The following NBEA variants were observed in gnomAD, a reference collection of about 807,000 sequenced individuals.
NBEA encodes the protein neurobeachin.
In NBEA, 44 loss-of-function variants were observed where a neutral mutation model predicts 343.4. That is an observed-to-expected ratio of 0.13 (90% CI 0.10 to 0.16). NBEA has a LOEUF of 0.16. NBEA is among the 10% of genes least tolerant of loss of function. NBEA has a pLI of 1.00. For synonymous variants in NBEA, 1,175 were observed against 1,238.7 expected (o/e 0.95, Z 1.08); for missense variants, 2,555 against 3,631.3 (o/e 0.70, Z 7.62).
At chr13:35,200,493 C>T (rs2072947269) in intron 31 of NBEA, among the ~76,000 whole-genome samples, 1 of 149,460 alleles carries the variant, frequency 6.7e-6, no homozygotes, top group African/African-American at 2.4e-5. Context: ...ATGTGCTTCT[C>T]ATACATTTTT....
chr13:35,106,969 A>G (rs1406418577), intron 11 of NBEA, among the ~76,000 whole-genome samples: 47 of 151,826 alleles, frequency 3.1e-4, no homozygotes, highest in Non-Finnish European at 7.4e-5. Context: ...CAGTCTGGTC[A>G]CCTAGCATGT....
chr13:35,003,561 G>A (rs918836423), intron 1 of NBEA, among the ~76,000 whole-genome samples: 10 of 151,984 alleles, frequency 6.6e-5, no homozygotes, highest in Non-Finnish European at 1.5e-4. Flanking sequence ...ATTTTAGGAA[G>A]GATAAAGAGA....
At chr13:35,084,990 G>A (rs1283633077) in intron 10 of NBEA, among the ~76,000 whole-genome samples, 3 of 152,106 alleles carry the variant, frequency 2.0e-5, no homozygotes, top group Non-Finnish European at 4.4e-5. Flanking sequence ...TAGAAGAAAT[G>A]GATGAATTCC....
chr13:35,349,436 C>G (rs2040058044), intron 37 of NBEA, among the ~76,000 whole-genome samples: 2 of 151,916 alleles, frequency 1.3e-5, no homozygotes, highest in Non-Finnish European at 2.9e-5. Context: ...ATATGCCTAA[C>G]CATTTGGTAG....
intron 41 of NBEA, among the ~76,000 whole-genome samples, chr13:35,485,193 G>A (rs2152969454): frequency 6.6e-6 from 1 of 152,150 alleles, no homozygotes; most frequent in African/African-American, 2.4e-5. Flanking sequence ...TATGAAAAAA[G>A]ATGGGTGCTA....
intron 18 of NBEA, among the ~76,000 whole-genome samples, chr13:35,145,433 C>T (rs1395041829): frequency 6.6e-6 from 1 of 152,112 alleles, no homozygotes; most frequent in African/African-American, 2.4e-5. Context: ...ACCCTTTCTC[C>T]CAGGAAGTTT....
chr13:35,364,521 C>G (rs1468874701), intron 38 of NBEA, among the ~76,000 whole-genome samples: 1 of 151,756 alleles, frequency 6.6e-6, no homozygotes, highest in Non-Finnish European at 1.5e-5. Context: ...AAACAAGCAT[C>G]AGTGTTTTAA....
Position 35,349,186 on chromosome 13 carries a change from C to G in NBEA, c.5982C>G (p.Ala1994=). Residue 1994 remains alanine (A), a synonymous_variant, in exon 37 of 59, where the codon GCC becomes GCG. Transcript: ENST00000379939. ...AGTTTATTTTGAACAGACAAAGAGC[C>G]GAGGATGTACATAAACATGCAGAGT... is the stretch of plus-strand genomic sequence containing the variant. ...EAEFILNRQR[A]EDVHKHAEFE... The G allele has an allele frequency of 4.4e-6, 7 of 1,603,054 alleles. No homozygotes were observed. Among genetic ancestry groups the G allele is most frequent in the South Asian group, 1.1e-5 (1 of 89,310 alleles).
intron 27 of NBEA, among the ~76,000 whole-genome samples, chr13:35,176,609 G>C (rs1014993247): frequency 6.6e-6 from 1 of 151,930 alleles, no homozygotes; most frequent in Non-Finnish European, 1.5e-5. Context: ...TCATATACTA[G>C]TGTAGTATAA....
intron 33 of NBEA, among the ~76,000 whole-genome samples, chr13:35,221,864 T>G (rs2074388199): frequency 6.6e-6 from 1 of 152,164 alleles, no homozygotes; most frequent in African/African-American, 2.4e-5. Context: ...ATCATTCAGT[T>G]GCTTCTACCA....
intron 38 of NBEA, among the ~76,000 whole-genome samples, chr13:35,417,947 A>G (rs1343517867): frequency 6.6e-6 from 1 of 152,152 alleles, no homozygotes; most frequent in Non-Finnish European, 1.5e-5. Context: ...ATATATATTT[A>G]GGATAGTTAG....
Position 35,064,260 on chromosome 13 carries a change from T to C in NBEA, c.1239+5397T>C, listed in dbSNP as rs1204416400. On this transcript the variant is annotated intron_variant, in intron 8 of 58. Coordinates refer to ENST00000379939, the MANE Select transcript of NBEA (RefSeq NM_001385012.1). ...AATGAGTCCTTGGGAAAGCCAGTGT[T>C]TGTAAGTTGAGGAGATGCAGAGGAA... 3.3e-5 allele frequency among the ~76,000 whole-genome samples: 5 copies of C among 151,854 alleles called. No homozygotes were observed. In the East Asian group the frequency reaches 7.8e-4, roughly 24 times the overall value.
chr13:35,105,798 C>T (rs1485648912), intron 11 of NBEA, among the ~76,000 whole-genome samples: 2 of 151,930 alleles, frequency 1.3e-5, no homozygotes, highest in Non-Finnish European at 2.9e-5. Flanking sequence ...GGATAATAGA[C>T]TATAAGGTAC....
chr13:35,464,014 C>A (rs748959971), intron 40 of NBEA, among the ~76,000 whole-genome samples: 3 of 151,964 alleles, frequency 2.0e-5, no homozygotes, highest in African/African-American at 7.3e-5. Context: ...GTAGAAAAAT[C>A]TGTAGATAGA....
intron 40 of NBEA, among the ~76,000 whole-genome samples, chr13:35,461,729 A>C (rs1283267394): frequency 1.3e-5 from 2 of 152,248 alleles, no homozygotes; most frequent in Non-Finnish European, 2.9e-5. Context: ...CCGCTTACTC[A>C]AACATAAAGT....
chr13:35,211,894 A>G (rs2073800168), intron 33 of NBEA, among the ~76,000 whole-genome samples: 1 of 152,148 alleles, frequency 6.6e-6, no homozygotes, highest in South Asian at 2.1e-4. Context: ...GTTATATATA[A>G]CATCATTGGA....
chr13:35,302,835 C>T (rs1017135711), intron 35 of NBEA, among the ~76,000 whole-genome samples: 5 of 152,064 alleles, frequency 3.3e-5, no homozygotes, highest in Admixed American at 3.3e-4. Context: ...ATTAATAAAA[C>T]CTGTCTCTTC....
chr13:35,054,515 A>G (rs1158970710), intron 6 of NBEA, among the ~76,000 whole-genome samples: 2 of 152,158 alleles, frequency 1.3e-5, no homozygotes, highest in East Asian at 1.9e-4. Context: ...AACTTAAAAA[A>G]GGATGTGCAT....
intron 26 of NBEA, among the ~76,000 whole-genome samples, chr13:35,172,813 C>T (rs1304008950): frequency 1.3e-5 from 2 of 152,040 alleles, no homozygotes; most frequent in Non-Finnish European, 2.9e-5. Context: ...CAGCTCCAAA[C>T]TGGAAAATAC....
Sources: gnomAD v4.1 joint callset for allele counts (sites outside exome capture counted in the v4.1 genomes callset) on GRCh38, gnomAD v4.1.1 for gene constraint, MANE v1.5 for transcripts, NCBI Gene and HGNC (gene_info 2026-07-23, HGNC 2026-07-21) for gene names.